Variants in MAN1A1 observed in about 807,000 individuals in gnomAD.
The protein encoded by MAN1A1 is mannosidase alpha class 1A member 1.
Under a neutral mutation model 70.8 loss-of-function variants are expected in MAN1A1, and 29 were observed. The ratio of observed to expected loss-of-function variants is 0.41; its 90% CI spans 0.31 to 0.56. MAN1A1 has a LOEUF of 0.56. Ranked by LOEUF, MAN1A1 falls within the 20% of genes least tolerant of loss-of-function variation. MAN1A1 has a pLI of 0.29. For missense variants in MAN1A1, 747 were observed against 841.3 expected, an observed-to-expected ratio of 0.89 and a Z score of 1.39; for synonymous variants, 349 against 330.1, an observed-to-expected ratio of 1.06 and a Z score of -0.62.
At position 119,229,198 on chromosome 6, in the gene MAN1A1, A is replaced by T. The variant is rs114838414; in HGVS notation, c.992+19062T>A. Among the ~76,000 whole-genome samples, 901 of 130,490 alleles carry T rather than the reference A, an allele frequency of 6.9e-3. 7 individuals are homozygous for T. The highest frequency in any genetic ancestry group is 0.025 in the African/African-American group (856 of 34,490). 85.6% of individuals were successfully genotyped at this position (130,490 alleles called of 152,430 possible). A position where few individuals can be genotyped will look rare whatever the true frequency, so the allele number is the denominator to read the frequency against. ...ACAATTATCAGAATCAGTGACTATC[A>T]AACTGTGTTCTGAGACAAAAAAAAA... On this transcript the variant is annotated intron_variant, in intron 6 of 12. Transcript: ENST00000368468.
At chr6:119,204,960 A>C in intron 6 of MAN1A1, 78 bp from the exon 7 acceptor site, 1 of 1,485,640 alleles carries the variant, frequency 6.7e-7, no homozygotes, top group Non-Finnish European at 9.1e-7. Flanking sequence ...GACATGAAAT[A>C]GACAGCTTTT....
intron 8 of MAN1A1, among the ~76,000 whole-genome samples, chr6:119,195,840 A>G (rs1306360126): frequency 6.6e-6 from 1 of 152,238 alleles, no homozygotes; most frequent in Non-Finnish European, 1.5e-5. Flanking sequence ...ATTTTAGTGT[A>G]AAAATATATT....
At chr6:119,261,311 A>G (rs1450022168) in intron 5 of MAN1A1, among the ~76,000 whole-genome samples, 1 of 152,196 alleles carries the variant, frequency 6.6e-6, no homozygotes, top group Non-Finnish European at 1.5e-5. Flanking sequence ...ACACACGCAC[A>G]TATTTCAACA....
At chr6:119,197,947 C>T (rs1264899873) in intron 8 of MAN1A1, among the ~76,000 whole-genome samples, 1 of 152,110 alleles carries the variant, frequency 6.6e-6, no homozygotes, top group Non-Finnish European at 1.5e-5. Flanking sequence ...TCCTTCTGTC[C>T]CCCTTCATAG....
chr6:119,206,723 T>C (rs1773871428), intron 6 of MAN1A1, among the ~76,000 whole-genome samples: 2 of 152,230 alleles, frequency 1.3e-5, no homozygotes, highest in South Asian at 2.1e-4. Flanking sequence ...CAAATGCACA[T>C]GGTAATTGGT....
At chr6:119,251,798 G>A (rs1445848542) in intron 5 of MAN1A1, among the ~76,000 whole-genome samples, 2 of 152,180 alleles carry the variant, frequency 1.3e-5, no homozygotes, top group Non-Finnish European at 2.9e-5. Context: ...GGGCTCCTAT[G>A]AGTAGTAGGC....
chr6:119,270,719 A>T (rs1775895289), intron 5 of MAN1A1, among the ~76,000 whole-genome samples: 1 of 152,210 alleles, frequency 6.6e-6, no homozygotes, highest in African/African-American at 2.4e-5. Context: ...TTTACACCTG[A>T]AAGTCAGTTT....
rs1773053627 is a variant in MAN1A1, at chr6:119,178,233, A to G, written c.*1586T>C. The G allele has an allele frequency of 6.6e-6, 1 of 152,130 alleles. No homozygotes were observed. Among genetic ancestry groups the G allele is most frequent in the Non-Finnish European group, 1.5e-5 (1 of 67,976 alleles). 9.4% of individuals were successfully genotyped at this position (152,130 alleles called of 1,614,324 possible). A position where few individuals can be genotyped will look rare whatever the true frequency, so the allele number is the denominator to read the frequency against. On this transcript the variant is annotated 3_prime_UTR_variant, in exon 13 of 13. Transcript: ENST00000368468. ...ACACTTTCAAAAGCTAAAATAACTA[A>G]AACTATTAAGCCTATTGATAGCTAA...
intron 5 of MAN1A1, among the ~76,000 whole-genome samples, chr6:119,264,743 C>T (rs1775702263): frequency 6.6e-6 from 1 of 152,108 alleles, no homozygotes; most frequent in South Asian, 2.1e-4. Context: ...GTCCATAACA[C>T]AGCATTTATT....
rs140632963 is a variant in MAN1A1, at chr6:119,220,991, G to T, written c.993-16109C>A. Among the ~76,000 whole-genome samples the T allele has an allele frequency of 6.1e-3, 918 of 151,596 alleles. 7 individuals carry two copies. The highest frequency in any genetic ancestry group is 0.021 in the African/African-American group (870 of 41,324). ...AACATGTTATAAAAAGACAATAAAA[G>T]AAAAACAATGCTGACATGTTGTAAC... On this transcript the variant is annotated intron_variant, in intron 6 of 12. Coordinates refer to ENST00000368468, the MANE Select transcript of MAN1A1 (RefSeq NM_005907.4).
chr6:119,326,214 C>A (rs1773143145), intron 2 of MAN1A1, among the ~76,000 whole-genome samples: 1 of 152,214 alleles, frequency 6.6e-6, no homozygotes, highest in Admixed American at 6.5e-5. Context: ...GTGGGTGGCT[C>A]TCCCTGCCTT....
intron 2 of MAN1A1, among the ~76,000 whole-genome samples, chr6:119,325,168 TA>T (rs1773113861): frequency 2.0e-5 from 3 of 152,200 alleles, no homozygotes. Context: ...AAGTTGGGCC[TA>T]TATTTACCTT....
intron 6 of MAN1A1, among the ~76,000 whole-genome samples, chr6:119,212,148 G>T (rs530834885): frequency 1.4e-5 from 2 of 145,240 alleles, no homozygotes; most frequent in Non-Finnish European, 3.0e-5. Context: ...CCAATAGTAG[G>T]TTTTTTTTTT....
intron 11 of MAN1A1, among the ~76,000 whole-genome samples, chr6:119,181,280 C>T (rs1028614169): frequency 7.9e-5 from 12 of 152,094 alleles, no homozygotes; most frequent in Non-Finnish European, 1.3e-4. Flanking sequence ...GATCATAAAC[C>T]ACTGGTTGAG....
intron 5 of MAN1A1, among the ~76,000 whole-genome samples, chr6:119,255,019 A>G (rs1775422566): frequency 6.6e-6 from 1 of 152,236 alleles, no homozygotes; most frequent in South Asian, 2.1e-4. Flanking sequence ...TATCAAATAA[A>G]CACATTTATC....
chr6:119,264,806 C>T (rs766901452), intron 5 of MAN1A1, among the ~76,000 whole-genome samples: 4 of 152,058 alleles, frequency 2.6e-5, no homozygotes, highest in South Asian at 2.1e-4. Context: ...ACAATAGTAT[C>T]CAGTTTTAAA....
chr6:119,185,599 TG>T (rs981239623), intron 11 of MAN1A1, among the ~76,000 whole-genome samples: 1 of 152,110 alleles, frequency 6.6e-6, no homozygotes, highest in Non-Finnish European at 1.5e-5. Flanking sequence ...TTTTTGGAGT[TG>T]GAGTCTTGCT....
intron 5 of MAN1A1, among the ~76,000 whole-genome samples, chr6:119,284,271 T>TCAC (rs1361034096): frequency 1.3e-5 from 2 of 152,124 alleles, no homozygotes; most frequent in Non-Finnish European, 2.9e-5. Flanking sequence ...TTTTTCCCAA[T>TCAC]CACCGCCCAA....
chr6:119,188,359 T>A, intron 11 of MAN1A1, 46 bp downstream of exon 11: 4 of 1,525,934 alleles, frequency 2.6e-6, no homozygotes, highest in Non-Finnish European at 3.5e-6. Context: ...TGAACATTTT[T>A]TACTATGAAA....
Sources: allele counts gnomAD v4.1 joint callset (sites outside exome capture counted in the v4.1 genomes callset), GRCh38; gene constraint gnomAD v4.1.1; transcripts MANE v1.5; gene names NCBI Gene and HGNC (gene_info 2026-07-23, HGNC 2026-07-21).